Variants in CDH18 observed in about 807,000 individuals in gnomAD.
The protein encoded by CDH18 is cadherin 18, also known as cadherin-18.
CDH18 carries 31 observed loss-of-function variants against 67.9 expected under a neutral mutation model. The ratio of observed to expected loss-of-function variants is 0.46; its 90% CI spans 0.34 to 0.62. The LOEUF (loss-of-function observed/expected upper bound fraction) is 0.62, where lower values mean the gene tolerates loss of function less well. CDH18 is among the 20% of genes least tolerant of loss of function. The probability of loss-of-function intolerance (pLI) is 0.01; values close to 1 mark genes in which losing one functional copy is unlikely to be tolerated. For synonymous variants in CDH18, 362 were observed against 347.2 expected (o/e 1.04, Z -0.48); for missense variants, 890 against 975.5 (o/e 0.91, Z 1.17).
intron 3 of CDH18, among the ~76,000 whole-genome samples, chr5:19,768,134 G>A (rs1426495194): frequency 6.6e-6 from 1 of 152,024 alleles, no homozygotes; most frequent in Non-Finnish European, 1.5e-5. Context: ...GAACTCTGAT[G>A]GTTCCTCGGA....
At chr5:19,560,754 A>G (rs1257396515) in intron 8 of CDH18, among the ~76,000 whole-genome samples, 1 of 152,168 alleles carries the variant, frequency 6.6e-6, no homozygotes, top group African/African-American at 2.4e-5. Context: ...AATCTTCACA[A>G]TCTATACATC....
rs533848349 is a variant in CDH18, at chr5:20,055,134, T to C, written c.-517-63120A>G. On this transcript the variant is annotated intron_variant, in intron 2 of 14. Coordinates refer to the CDH18 transcript ENST00000507958. ...GTAACTTAATAAAGTTATGATTTTA[T>C]TTTACATGTATTACTATTATAAAAT... Among the ~76,000 whole-genome samples, 22 of 152,328 alleles carry C rather than the reference T, an allele frequency of 1.4e-4. 1 individual carries two copies. Among genetic ancestry groups the C allele is most frequent in the African/African-American group, 5.3e-4 (22 of 41,564 alleles).
chr5:20,245,991 G>A (rs1022365054), intron 2 of CDH18, among the ~76,000 whole-genome samples: 5 of 152,268 alleles, frequency 3.3e-5, no homozygotes, highest in East Asian at 1.9e-4. Context: ...GGAGGACCAT[G>A]TTGATTGATG....
chr5:20,273,984 T>C (rs1745623163), intron 1 of CDH18, among the ~76,000 whole-genome samples: 1 of 151,866 alleles, frequency 6.6e-6, no homozygotes, highest in African/African-American at 2.4e-5. Context: ...CCATCATGAG[T>C]GGTGTCGGAA....
At chr5:20,218,618 T>C (rs766595322) in intron 2 of CDH18, among the ~76,000 whole-genome samples, 1 of 152,002 alleles carries the variant, frequency 6.6e-6, no homozygotes, top group Non-Finnish European at 1.5e-5. Flanking sequence ...GAAGATAATT[T>C]GAATCATGGG....
chr5:20,509,249 C>T (rs749251206), intron 1 of CDH18, among the ~76,000 whole-genome samples: 5 of 152,070 alleles, frequency 3.3e-5, no homozygotes, highest in Non-Finnish European at 5.9e-5. Context: ...AATCCCTAAC[C>T]GCACCCTGCC....
At chr5:19,480,182 C>T (rs1302532422) in intron 12 of CDH18, among the ~76,000 whole-genome samples, 2 of 151,996 alleles carry the variant, frequency 1.3e-5, no homozygotes, top group Non-Finnish European at 2.9e-5. Flanking sequence ...GCGTTCTATT[C>T]TCTATGACTT....
chr5:20,160,194 T>G (rs148798532), intron 2 of CDH18, among the ~76,000 whole-genome samples: 1 of 152,212 alleles, frequency 6.6e-6, no homozygotes, highest in African/African-American at 2.4e-5. Context: ...ATACTAATAC[T>G]TGGCTATTTC....
chr5:20,412,112 C>A (rs1746838248), intron 1 of CDH18, among the ~76,000 whole-genome samples: 1 of 152,094 alleles, frequency 6.6e-6, no homozygotes. Flanking sequence ...CTGGAGGCAT[C>A]ACATTACAGA....
chr5:20,482,225 A>C (rs888113107), intron 1 of CDH18, among the ~76,000 whole-genome samples: 2 of 152,042 alleles, frequency 1.3e-5, no homozygotes, highest in South Asian at 4.1e-4. Context: ...TAATCTACTA[A>C]GATTGAACCA....
intron 2 of CDH18, among the ~76,000 whole-genome samples, chr5:20,225,887 T>C (rs1163864502): frequency 6.6e-6 from 1 of 151,996 alleles, no homozygotes; most frequent in Non-Finnish European, 1.5e-5. Flanking sequence ...TAAGTTGATA[T>C]AGTAATAATG....
intron 1 of CDH18, among the ~76,000 whole-genome samples, chr5:20,480,529 T>C (rs1752723814): frequency 6.6e-6 from 1 of 152,046 alleles, no homozygotes; most frequent in Non-Finnish European, 1.5e-5. Flanking sequence ...GCAATTCTCA[T>C]GCTTTTGCCT....
intron 1 of CDH18, among the ~76,000 whole-genome samples, chr5:20,464,597 G>C (rs1312449241): frequency 2.6e-5 from 4 of 152,132 alleles, no homozygotes; most frequent in Admixed American, 2.0e-4. Context: ...GAGCAGAGAA[G>C]AGATGTCTAT....
chr5:20,173,876 G>GAAAATTTTTT (rs1737032839), intron 2 of CDH18, among the ~76,000 whole-genome samples: 1 of 152,044 alleles, frequency 6.6e-6, no homozygotes, highest in Non-Finnish European at 1.5e-5. Flanking sequence ...GATTTTTAAG[G>GAAAATTTTTT]AGATTAATCT....
intron 4 of CDH18, among the ~76,000 whole-genome samples, chr5:19,722,896 T>C (rs906542607): frequency 6.6e-6 from 1 of 152,156 alleles, no homozygotes; most frequent in African/African-American, 2.4e-5. Context: ...TTAGTAATTA[T>C]GTCAATGACT....
chr5:19,886,386 C>G (rs1788202633), intron 2 of CDH18: 1 of 152,138 alleles, frequency 6.6e-6, no homozygotes, highest in South Asian at 2.1e-4. Context: ...AGAAAGCTAG[C>G]TGGCAAAAAG....
intron 2 of CDH18, among the ~76,000 whole-genome samples, chr5:19,878,457 A>G (rs901284895): frequency 6.6e-6 from 1 of 152,154 alleles, no homozygotes; most frequent in Non-Finnish European, 1.5e-5. Flanking sequence ...CCCTGGTACA[A>G]TGGTTCCATC....
At chr5:20,428,819 T>G (rs1221362603) in intron 1 of CDH18, among the ~76,000 whole-genome samples, 1 of 152,070 alleles carries the variant, frequency 6.6e-6, no homozygotes, top group Non-Finnish European at 1.5e-5. Context: ...TTAGTGGCAT[T>G]TTTTTCTCAG....
chr5:19,628,832 G>A (rs1416422942), intron 5 of CDH18, among the ~76,000 whole-genome samples: 3 of 151,818 alleles, frequency 2.0e-5, no homozygotes, highest in Admixed American at 1.3e-4. Context: ...ATAGAAATGA[G>A]TATGTATAGA....
Sources: gnomAD v4.1 joint callset for allele counts (sites outside exome capture counted in the v4.1 genomes callset) on GRCh38, gnomAD v4.1.1 for gene constraint, MANE v1.5 for transcripts, NCBI Gene and HGNC (gene_info 2026-07-23, HGNC 2026-07-21) for gene names.